SBK1: variants seen among roughly 807,000 people sequenced by gnomAD.
SBK1 encodes the protein SH3 domain binding kinase 1.
In SBK1, 11 loss-of-function variants were observed where a neutral mutation model predicts 24.4. That is an observed-to-expected ratio of 0.45 (90% CI 0.28 to 0.75). The LOEUF is 0.75. SBK1 is among the 30% of genes least tolerant of loss of function. The pLI is 0.12. For missense variants in SBK1, 467 were observed against 620.5 expected (o/e 0.75, Z 2.63); for synonymous variants, 308 against 284.4 (o/e 1.08, Z -0.83).
intron 1 of SBK1, among the ~76,000 whole-genome samples, chr16:28,282,389 T>C (rs1334401688): frequency 6.6e-6 from 1 of 152,116 alleles, no homozygotes; most frequent in African/African-American, 2.4e-5. Context: ...CAGCTGGCTC[T>C]CAGCTCACTC....
At chr16:28,275,476 G>A (rs1400340566) in intron 1 of SBK1, among the ~76,000 whole-genome samples, 4 of 152,184 alleles carry the variant, frequency 2.6e-5, no homozygotes, top group African/African-American at 9.7e-5. Flanking sequence ...AGAGCAGAGA[G>A]AAGGAAGCCA....
intron 1 of SBK1, among the ~76,000 whole-genome samples, chr16:28,299,846 C>A (rs2141580108): frequency 6.6e-6 from 1 of 152,334 alleles, no homozygotes; most frequent in South Asian, 2.1e-4. Context: ...CCCTGAATGA[C>A]AACAGCCATC....
chr16:28,293,227 C>G lies in SBK1; in HGVS notation c.-81C>G. 1.0e-6 allele frequency: 1 copy of G among 985,426 alleles called. No individual in the cohort carries two copies. The highest frequency in any genetic ancestry group is 1.2e-6 in the Non-Finnish European group (1 of 829,940). 61.0% of individuals were successfully genotyped at this position (985,426 alleles called of 1,614,324 possible). A position where few individuals can be genotyped will look rare whatever the true frequency, so the allele number is the denominator to read the frequency against. ...GTCCATGGTCGTGGCGCCCTGAGCC[C>G]CCGGGGCCGGGCAGACGAAGACCGC... On this transcript the variant is annotated 5_prime_UTR_variant, in exon 1 of 4. Coordinates refer to ENST00000341901, the MANE Select transcript of SBK1 (RefSeq NM_001024401.3).
Position 28,292,870 on chromosome 16 carries a change from G to A in SBK1, c.-438G>A, listed in dbSNP as rs2044610976. On this transcript the variant is annotated 5_prime_UTR_variant, in exon 1 of 4. Coordinates refer to ENST00000341901, the MANE Select transcript of SBK1 (RefSeq NM_001024401.3). ...AGACTTCCTCGGTATTTAGAAGACAGCAAGCCCCCTACGGCACCGCAAGGA... is the reference window on the plus strand; with the variant it reads ...AGACTTCCTCGGTATTTAGAAGACAACAAGCCCCCTACGGCACCGCAAGGA... 1.0e-6 allele frequency: 1 copy of A among 983,260 alleles called. No individual in the cohort carries two copies. Among genetic ancestry groups the A allele is most frequent in the Non-Finnish European group, 1.2e-6 (1 of 827,944 alleles). 60.9% of individuals were successfully genotyped at this position (983,260 alleles called of 1,614,324 possible).
In SBK1 at chr16:28,320,977, C is replaced by A; in HGVS notation, c.*56C>A. 1 of 1,326,444 alleles carries A rather than the reference C, an allele frequency of 7.5e-7. No homozygotes were observed. Among genetic ancestry groups the A allele is most frequent in the South Asian group, 1.6e-5 (1 of 61,622 alleles). 82.2% of individuals were successfully genotyped at this position (1,326,444 alleles called of 1,614,324 possible). On this transcript the variant is annotated 3_prime_UTR_variant, in exon 4 of 4. Transcript: ENST00000341901. This position sits in a 1 kb window ranked among gnomAD's most constrained non-coding sequence, Gnocchi z 8.5. ...AGCCCGGGCCCGCCCCGAGCCGGTG[C>A]CCGGTGCGGCGGTAGGGAATGGAGC...
chr16:28,289,637 C>T (rs767482840), upstream of SBK1, among the ~76,000 whole-genome samples: 4 of 151,590 alleles, frequency 2.6e-5, no homozygotes, highest in Non-Finnish European at 4.4e-5. Context: ...CGTGGTGGTA[C>T]ACACCTGTAA....
intron 1 of SBK1, among the ~76,000 whole-genome samples, chr16:28,272,619 C>CTTTCTTTTTT (rs746450878): frequency 9.4e-6 from 1 of 105,970 alleles, no homozygotes; most frequent in African/African-American, 3.5e-5. Flanking sequence ...TTCTTTCTTT[C>CTTTCTTTTTT]TTTTTTTTTT....
intron 1 of SBK1, among the ~76,000 whole-genome samples, chr16:28,309,860 G>T (rs935981677): frequency 1.3e-5 from 2 of 152,194 alleles, no homozygotes; most frequent in African/African-American, 4.8e-5. Context: ...GTGTGTGTGC[G>T]CATGTGTGCA....
In SBK1 at chr16:28,320,096, G is replaced by C. The variant is rs933990892; in HGVS notation, c.450G>C (p.Thr150=). Reference sequence around the variant, plus strand: ...CGCAGGTGGGGCTCCCTGAGGACACGGTGAAGCGCTGTGTGCAGCAGCTGG... The same window carrying C: ...CGCAGGTGGGGCTCCCTGAGGACACCGTGAAGCGCTGTGTGCAGCAGCTGG... The part of the protein sequence containing the change: ...IPPQVGLPED[T]VKRCVQQLGL... Residue 150 remains threonine (T), a synonymous_variant, in exon 4 of 4, where the codon ACG becomes ACC. Transcript: ENST00000341901. This position sits in a 1 kb window ranked among gnomAD's most constrained non-coding sequence, Gnocchi z 8.5. 14 of 1,529,032 alleles carry C rather than the reference G, an allele frequency of 9.2e-6. No individual in the cohort carries two copies. Among genetic ancestry groups the C allele is most frequent in the Admixed American group, 2.0e-5 (1 of 50,492 alleles). 94.7% of individuals were successfully genotyped at this position (1,529,032 alleles called of 1,614,324 possible). A position where few individuals can be genotyped will look rare whatever the true frequency, so the allele number is the denominator to read the frequency against.
chr16:28,285,196 C>T (rs2044558051), intron 1 of SBK1: 1 of 152,230 alleles, frequency 6.6e-6, no homozygotes, highest in African/African-American at 2.4e-5. Flanking sequence ...TCCTCAGTCT[C>T]CCAAAGTGCT....
At chr16:28,288,292 C>A (rs550061290), upstream of SBK1, among the ~76,000 whole-genome samples, 8 of 152,264 alleles carry the variant, frequency 5.3e-5, no homozygotes, top group East Asian at 1.5e-3. Context: ...CAAACCAGAG[C>A]CTTCCTGTGT....
chr16:28,296,092 A>ATTTTT, intron 1 of SBK1, among the ~76,000 whole-genome samples: 1 of 121,204 alleles, frequency 8.3e-6, no homozygotes, highest in South Asian at 2.6e-4. Context: ...CATCCAGCTA[A>ATTTTT]TTTTTTTTTT....
At chr16:28,294,232 G>T (rs140361354) in intron 1 of SBK1, among the ~76,000 whole-genome samples, 1 of 152,262 alleles carries the variant, frequency 6.6e-6, no homozygotes, top group East Asian at 1.9e-4. Flanking sequence ...GAAGCCGAGA[G>T]ACCCTAGGGG....
chr16:28,302,625 G>A (rs539317831), intron 1 of SBK1, among the ~76,000 whole-genome samples: 31 of 152,268 alleles, frequency 2.0e-4, no homozygotes, highest in Non-Finnish European at 4.1e-4. Context: ...GGCACTGTCT[G>A]GTCTCTTGGT....
At chr16:28,270,312 G>A (rs569092152) in intron 1 of SBK1, among the ~76,000 whole-genome samples, 44 of 151,692 alleles carry the variant, frequency 2.9e-4, no homozygotes, top group Non-Finnish European at 5.4e-4. Flanking sequence ...CACCCACCTC[G>A]GCCTCCCAAA....
intron 1 of SBK1, among the ~76,000 whole-genome samples, chr16:28,305,537 C>CTT (rs771013330): frequency 1.3e-4 from 16 of 126,486 alleles, no homozygotes; most frequent in African/African-American, 3.2e-4. Context: ...TTCTTTGTTT[C>CTT]TTTTTTTTTT....
At chr16:28,299,081 ACAATGGGGCC>A (rs1367141478) in intron 1 of SBK1, among the ~76,000 whole-genome samples, 1 of 152,224 alleles carries the variant, frequency 6.6e-6, no homozygotes, top group Admixed American at 6.5e-5. Context: ...TCCAGGAGGC[ACAATGGGGCC>A]CACAGATAAC....
chr16:28,310,112 C>T lies in SBK1; in HGVS notation c.-7-7273C>T, dbSNP rs1234808882. 3.9e-5 allele frequency among the ~76,000 whole-genome samples: 6 copies of T among 152,180 alleles called. No homozygotes were observed. In the East Asian group the frequency reaches 5.8e-4, roughly 15 times the overall value. On this transcript the variant is annotated intron_variant, in intron 1 of 3. Transcript: ENST00000341901. Reference sequence around the variant, plus strand: ...AGAGCCGTGACTACTGCCATGAAGTCGAGGGGGACCCCCACCCACCCTCAG... The same window carrying T: ...AGAGCCGTGACTACTGCCATGAAGTTGAGGGGGACCCCCACCCACCCTCAG...
At chr16:28,309,927 A>G (rs1213782674) in intron 1 of SBK1, among the ~76,000 whole-genome samples, 2 of 152,156 alleles carry the variant, frequency 1.3e-5, no homozygotes, top group Non-Finnish European at 2.9e-5. Context: ...GAGAGCAACA[A>G]GGACTCCAAA....
Sources: gnomAD v4.1 joint callset for allele counts (sites outside exome capture counted in the v4.1 genomes callset) on GRCh38, gnomAD v4.1.1 for gene constraint, Gnocchi (gnomAD v3.1) non-coding constraint, MANE v1.5 for transcripts, NCBI Gene and HGNC (gene_info 2026-07-23, HGNC 2026-07-21) for gene names.